DDX10: variants seen among roughly 807,000 people sequenced by gnomAD.
DDX10 encodes DEAD-box helicase 10, also known as probable ATP-dependent RNA helicase DDX10.
DDX10 carries 74 observed loss-of-function variants against 104.3 expected under a neutral mutation model. That is an observed-to-expected ratio of 0.71 (90% CI 0.59 to 0.86). The LOEUF is 0.86. Ranked by LOEUF, DDX10 falls within the 40% of genes least tolerant of loss-of-function variation. DDX10 has a pLI of 0.00. For synonymous variants in DDX10, 351 were observed against 353.4 expected (o/e 0.99, Z 0.08); for missense variants, 952 against 1,040.0 (o/e 0.92, Z 1.16).
intron 2 of DDX10, 117 bp from the exon 3 acceptor site, chr11:108,675,479 T>G: frequency 9.1e-7 from 1 of 1,102,548 alleles, no homozygotes; most frequent in Non-Finnish European, 1.3e-6. Flanking sequence ...AGTTATGTTC[T>G]GAGGTACGAG....
Position 108,871,237 on chromosome 11 carries a change from A to G in DDX10, c.2304+19028A>G, listed in dbSNP as rs781388325. 2.6e-5 allele frequency among the ~76,000 whole-genome samples: 4 copies of G among 152,184 alleles called. No homozygotes were observed. In the East Asian group the frequency reaches 5.8e-4, roughly 22 times the overall value. ...TGCCCATGTACCATACAAGCATGAC[A>G]CTTAGGTGAGTGAAAGGGGTTGCAG... On this transcript the variant is annotated intron_variant, in intron 16 of 17. Transcript: ENST00000322536.
intron 9 of DDX10, among the ~76,000 whole-genome samples, chr11:108,695,858 C>G (rs1484237972): frequency 6.7e-6 from 1 of 149,920 alleles, no homozygotes; most frequent in African/African-American, 2.5e-5. Flanking sequence ...AAATGTGCTT[C>G]TTTTGACCAG....
chr11:108,737,745 C>T (rs2094320121), intron 13 of DDX10, among the ~76,000 whole-genome samples: 1 of 152,284 alleles, frequency 6.6e-6, no homozygotes, highest in Non-Finnish European at 1.5e-5. Flanking sequence ...TCTCTCTCCA[C>T]CTCTTTCATT....
intron 6 of DDX10, among the ~76,000 whole-genome samples, 189 bp downstream of exon 6, chr11:108,679,749 T>A (rs1484488093): frequency 6.6e-6 from 1 of 152,212 alleles, no homozygotes; most frequent in African/African-American, 2.4e-5. Context: ...GGTACTTGAA[T>A]GTAGCATTTC....
intron 13 of DDX10, among the ~76,000 whole-genome samples, chr11:108,763,483 A>C (rs986026662): frequency 6.6e-6 from 1 of 152,224 alleles, no homozygotes; most frequent in Non-Finnish European, 1.5e-5. Context: ...CTGTGGCCAG[A>C]GATGTGGGGG....
chr11:108,753,226 C>A lies in DDX10; in HGVS notation c.1965+29764C>A, dbSNP rs562611596. Reference sequence around the variant, plus strand: ...TTATGTCTTAATCCTAAGGCACAAACCTTACATAATTACTTGAATGCTTAT... The same window carrying A: ...TTATGTCTTAATCCTAAGGCACAAAACTTACATAATTACTTGAATGCTTAT... On this transcript the variant is annotated intron_variant, in intron 13 of 17. Coordinates refer to ENST00000322536, the MANE Select transcript of DDX10 (RefSeq NM_004398.4). Among the ~76,000 whole-genome samples, 11 of 152,166 alleles carry A rather than the reference C, an allele frequency of 7.2e-5. No homozygotes were observed. The South Asian group carries it at 2.3e-3, about 32-fold the overall frequency.
intron 13 of DDX10, among the ~76,000 whole-genome samples, chr11:108,755,234 A>G (rs1265870182): frequency 6.6e-6 from 1 of 152,068 alleles, no homozygotes; most frequent in Non-Finnish European, 1.5e-5. Flanking sequence ...TGATAACACA[A>G]GCAAGAACAC....
chr11:108,710,772 T>C (rs1469000863), intron 10 of DDX10, among the ~76,000 whole-genome samples: 1 of 152,214 alleles, frequency 6.6e-6, no homozygotes, highest in Non-Finnish European at 1.5e-5. Context: ...TACACCAGCA[T>C]CACCATAAAC....
At chr11:108,704,350 C>G (rs925198259) in intron 9 of DDX10, among the ~76,000 whole-genome samples, 16 of 152,210 alleles carry the variant, frequency 1.1e-4, no homozygotes, top group African/African-American at 3.9e-4. Context: ...TAGCCCTCAG[C>G]TCACTGTTCT....
chr11:108,840,495 C>G (rs2466928), intron 14 of DDX10, among the ~76,000 whole-genome samples: 3 of 151,988 alleles, frequency 2.0e-5, no homozygotes, highest in Non-Finnish European at 4.4e-5. Context: ...AAATAAACCT[C>G]TGTTTTTCTG....
At chr11:108,739,960 A>C (rs980202969) in intron 13 of DDX10, among the ~76,000 whole-genome samples, 2 of 147,156 alleles carry the variant, frequency 1.4e-5, no homozygotes, top group Non-Finnish European at 3.0e-5. Flanking sequence ...TTTCGTGAGA[A>C]GTTTTGGCTA....
chr11:108,725,163 T>G (rs1456367601), intron 13 of DDX10, among the ~76,000 whole-genome samples: 2 of 152,094 alleles, frequency 1.3e-5, no homozygotes. Context: ...AGTTTGTTCC[T>G]TTTAATTGCT....
chr11:108,905,322 G>GGC (rs1863580632), intron 16 of DDX10, among the ~76,000 whole-genome samples: 1 of 144,926 alleles, frequency 6.9e-6, no homozygotes, highest in South Asian at 2.4e-4. Context: ...AGGGGGGGGG[G>GGC]GGTTGAAATC....
intron 13 of DDX10, among the ~76,000 whole-genome samples, chr11:108,759,442 C>T (rs1837354172): frequency 6.6e-6 from 1 of 151,970 alleles, no homozygotes; most frequent in Admixed American, 6.6e-5. Flanking sequence ...AACCATCGCT[C>T]ATACAGCTCC....
intron 17 of DDX10, among the ~76,000 whole-genome samples, chr11:108,922,439 CAT>C (rs761664509): frequency 8.5e-4 from 129 of 152,258 alleles, no homozygotes; most frequent in Middle Eastern, 3.4e-3. Context: ...TTCATTGACA[CAT>C]ATAAATATTC....
chr11:108,748,293 A>G (rs1315863968), intron 13 of DDX10, among the ~76,000 whole-genome samples: 1 of 152,180 alleles, frequency 6.6e-6, no homozygotes, highest in Non-Finnish European at 1.5e-5. Context: ...TGAACGAGAG[A>G]GAGCGCCAGA....
chr11:108,868,087 T>G (rs1863030309), intron 16 of DDX10, among the ~76,000 whole-genome samples: 2 of 152,166 alleles, frequency 1.3e-5, no homozygotes. Context: ...TTCTTAAGAC[T>G]ACTGACTATA....
At chr11:108,797,039 A>ATTT (rs879284918) in intron 13 of DDX10, among the ~76,000 whole-genome samples, 2 of 144,540 alleles carry the variant, frequency 1.4e-5, no homozygotes, top group African/African-American at 5.1e-5. Context: ...CCCTCTTCTA[A>ATTT]TTTTTTTTTT....
chr11:108,702,367 C>G (rs927778192), intron 9 of DDX10, among the ~76,000 whole-genome samples: 1 of 152,026 alleles, frequency 6.6e-6, no homozygotes, highest in Non-Finnish European at 1.5e-5. Context: ...TCTAAATAAA[C>G]TTTTTGTAAC....
Sources: gnomAD v4.1 joint callset for allele counts (sites outside exome capture counted in the v4.1 genomes callset) on GRCh38, gnomAD v4.1.1 for gene constraint, MANE v1.5 for transcripts, NCBI Gene and HGNC (gene_info 2026-07-23, HGNC 2026-07-21) for gene names.